VIRMA: variants seen among roughly 807,000 people sequenced by gnomAD.
VIRMA encodes the protein protein virilizer homolog.
In VIRMA, 65 loss-of-function variants were observed where a neutral mutation model predicts 182.4. The ratio of observed to expected loss-of-function variants is 0.36; its 90% confidence interval spans 0.29 to 0.44. The LOEUF (loss-of-function observed/expected upper bound fraction) is 0.44. VIRMA is among the 20% of genes least tolerant of loss of function. The pLI is 1.00. For missense variants in VIRMA, 1,752 were observed against 2,158.1 expected (o/e 0.81, Z 3.73); for synonymous variants, 709 against 743.1 (o/e 0.95, Z 0.75).
chr8:94,513,463 G>A (rs918704022), intron 11 of VIRMA, among the ~76,000 whole-genome samples: 1 of 148,262 alleles, frequency 6.7e-6, no homozygotes, highest in Non-Finnish European at 1.5e-5. Context: ...CCTCATTTTA[G>A]CTTTTCTTTT....
intron 20 of VIRMA, 95 bp from the exon 21 acceptor site, chr8:94,492,913 G>A: frequency 2.0e-6 from 2 of 1,011,420 alleles, no homozygotes; most frequent in Non-Finnish European, 2.8e-6. Context: ...AATTATATTT[G>A]CCTCTCATAA....
At chr8:94,506,772 T>C in intron 15 of VIRMA, 55 bp from the exon 16 acceptor site, 1 of 1,126,218 alleles carries the variant, frequency 8.9e-7, no homozygotes, top group South Asian at 1.3e-5. Context: ...CACCATCACT[T>C]AGCACTTTTG....
chr8:94,517,482 C>T (rs1323432945), intron 10 of VIRMA, among the ~76,000 whole-genome samples: 2 of 152,232 alleles, frequency 1.3e-5, no homozygotes, highest in Non-Finnish European at 2.9e-5. Context: ...GGATTACAGG[C>T]ATGAGCCACC....
chr8:94,507,925 G>GTATATACA (rs1436680377), intron 15 of VIRMA, among the ~76,000 whole-genome samples: 2 of 101,080 alleles, frequency 2.0e-5, no homozygotes, highest in East Asian at 4.5e-4. Context: ...GTGTATATAT[G>GTATATACA]TATGTACATA....
chr8:94,502,056 C>T (rs1814005929), intron 16 of VIRMA, among the ~76,000 whole-genome samples: 1 of 151,754 alleles, frequency 6.6e-6, no homozygotes, highest in South Asian at 2.1e-4. Context: ...TATCGTGTTG[C>T]TGTCTATCTT....
intron 8 of VIRMA, among the ~76,000 whole-genome samples, chr8:94,522,114 A>C (rs1814792576): frequency 1.3e-5 from 2 of 152,356 alleles, no homozygotes; most frequent in East Asian, 3.9e-4. Context: ...GAGTGCCTAC[A>C]TGACTACCCA....
At chr8:94,511,866 ATTACT>A (rs1426159049) in intron 12 of VIRMA, 125 bp downstream of exon 12, 20 of 659,256 alleles carry the variant, frequency 3.0e-5, no homozygotes, top group South Asian at 1.9e-4. Flanking sequence ...CAAATATTTA[ATTACT>A]TTAATTTAAA....
chr8:94,528,379 T>C (rs1020839600), intron 7 of VIRMA, among the ~76,000 whole-genome samples: 1 of 152,052 alleles, frequency 6.6e-6, no homozygotes, highest in Non-Finnish European at 1.5e-5. Context: ...AATCTAGCTA[T>C]TTGATATTTT....
intron 5 of VIRMA, 90 bp downstream of exon 5, chr8:94,534,749 C>G: frequency 7.0e-7 from 1 of 1,435,934 alleles, no homozygotes. Flanking sequence ...AAAACAAAAA[C>G]AAAAGGTAAA....
intron 15 of VIRMA, among the ~76,000 whole-genome samples, chr8:94,507,929 G>GTGTATATGTGTATATATGTATA (rs1563461563): frequency 1.4e-5 from 2 of 147,808 alleles, no homozygotes; most frequent in East Asian, 3.9e-4. Flanking sequence ...ATATATGTAT[G>GTGTATATGTGTATATATGTATA]TACATATGTG....
In VIRMA at chr8:94,488,448, C is replaced by A; in HGVS notation, c.*258G>T. The A allele has an allele frequency of 5.9e-6, 2 of 339,570 alleles. No individual in the cohort carries two copies. Among genetic ancestry groups the A allele is most frequent in the South Asian group, 1.2e-4 (2 of 16,102 alleles). The allele number at this position is 339,570 out of a possible 1,614,324, so 21.0% of individuals were successfully genotyped here. A position where few individuals can be genotyped will look rare whatever the true frequency, so the allele number is the denominator to read the frequency against. ...TGCTATAGGCAAGAAAAATACAAAA[C>A]ATCATTTAGTTTTTCACCTAGAAAT... On this transcript the variant is annotated 3_prime_UTR_variant, in exon 24 of 24. Transcript: ENST00000297591.
chr8:94,492,345 G>A (rs925805542), intron 21 of VIRMA, among the ~76,000 whole-genome samples: 2 of 150,562 alleles, frequency 1.3e-5, no homozygotes, highest in South Asian at 2.1e-4. Context: ...GCGCAGTGGC[G>A]TGATCTCGGC....
At position 94,509,769 on chromosome 8, in the gene VIRMA, C is replaced by CAAAGCT. The variant is rs1814298625; in HGVS notation, c.3792_3797dup (p.Ala1265_Leu1266dup). Reference sequence around the variant, plus strand: ...TAACACTGTCTCCAGGAGACCGCACCAAAGCTAAAAGATCCTGGAATATCT... The same window carrying CAAAGCT: ...TAACACTGTCTCCAGGAGACCGCACCAAAGCTAAAGCTAAAAGATCCTGGAATATCT... On this transcript the variant is annotated inframe_insertion, in exon 15 of 24. Coordinates refer to ENST00000297591, the MANE Select transcript of VIRMA (RefSeq NM_015496.5). 6.2e-7 allele frequency: 1 copy of CAAAGCT among 1,614,002 alleles called. No homozygotes were observed. The highest frequency in any genetic ancestry group is 2.2e-5 in the East Asian group (1 of 44,868).
intron 23 of VIRMA, 114 bp downstream of exon 23, chr8:94,489,825 G>T (rs1023237462): frequency 8.7e-7 from 1 of 1,144,542 alleles, no homozygotes; most frequent in Non-Finnish European, 1.2e-6. Context: ...ACTGTGTGGA[G>T]CAAGGAGATG....
chr8:94,551,223 G>C (rs1479645659), intron 1 of VIRMA, among the ~76,000 whole-genome samples: 1 of 152,188 alleles, frequency 6.6e-6, no homozygotes, highest in African/African-American at 2.4e-5. Context: ...ACACCTTGAT[G>C]AAGTCTTTCC....
chr8:94,550,498 T>C (rs955433016), intron 1 of VIRMA, among the ~76,000 whole-genome samples: 1 of 152,094 alleles, frequency 6.6e-6, no homozygotes, highest in Admixed American at 6.5e-5. Context: ...TTCACCATGT[T>C]AGCCAGGATG....
chr8:94,538,576 A>C (rs1815422738), intron 2 of VIRMA, among the ~76,000 whole-genome samples: 1 of 152,150 alleles, frequency 6.6e-6, no homozygotes, highest in African/African-American at 2.4e-5. Context: ...ATCAAATTTT[A>C]ATCAAGTACT....
Position 94,512,061 on chromosome 8 carries a change from CCTT to C in VIRMA, c.2777_2779del (p.Glu926del). ...ACGTAAGGCAGTGGTAAGGCCAACT[CCTT>C]CTGGGGTCATCAAGTTATCGATATT... On this transcript the variant is annotated inframe_deletion, in exon 12 of 24. Coordinates refer to ENST00000297591, the MANE Select transcript of VIRMA (RefSeq NM_015496.5). The C allele has an allele frequency of 1.3e-6, 2 of 1,508,174 alleles. No homozygotes were observed. Among genetic ancestry groups the C allele is most frequent in the Non-Finnish European group, 1.8e-6 (2 of 1,127,824 alleles). 93.4% of individuals were successfully genotyped at this position (1,508,174 alleles called of 1,614,324 possible).
chr8:94,510,530 C>T lies in VIRMA; in HGVS notation c.3513G>A (p.Gln1171=), dbSNP rs778867460. 11 of 1,614,010 alleles carry T rather than the reference C, an allele frequency of 6.8e-6. No homozygotes were observed. The East Asian group carries it at 1.8e-4, about 26-fold the overall frequency. ...TACGCCGTAACATATGTTGAATGGGCTGGCAGGTTGTGCCAGAGAAAGAGC... is the reference window on the plus strand; with the variant it reads ...TACGCCGTAACATATGTTGAATGGGTTGGCAGGTTGTGCCAGAGAAAGAGC... The part of the protein sequence containing the change: ...IVRSFSGTTC[Q]PIQHMLRRIC... Residue 1171 remains glutamine, a synonymous_variant, in exon 14 of 24, where the codon CAG becomes CAA. Transcript: ENST00000297591.
Sources: allele counts gnomAD v4.1 joint callset (sites outside exome capture counted in the v4.1 genomes callset), GRCh38; gene constraint gnomAD v4.1.1; transcripts MANE v1.5; gene names NCBI Gene and HGNC (gene_info 2026-07-23, HGNC 2026-07-21).